Variants in SLC13A5 observed in about 807,000 individuals in gnomAD.
SLC13A5 encodes Na(+)/citrate cotransporter.
A neutral mutation model predicts 56.5 loss-of-function variants in SLC13A5; 25 were observed. The observed-to-expected ratio is 0.44, with a 90% CI of 0.32 to 0.62. The LOEUF is 0.62. Among genes scored for constraint, SLC13A5 ranks in the 20% least tolerant of loss-of-function variants. The pLI, the probability that SLC13A5 is intolerant of heterozygous loss-of-function variation, is 0.04. For missense variants in SLC13A5, 649 were observed against 737.8 expected (o/e 0.88, Z 1.39); for synonymous variants, 307 against 301.5 (o/e 1.02, Z -0.19).
chr17:6,702,181 T>C (rs1973732602), intron 5 of SLC13A5, among the ~76,000 whole-genome samples: 1 of 152,146 alleles, frequency 6.6e-6, no homozygotes, highest in Non-Finnish European at 1.5e-5. Flanking sequence ...CAGGCTCCTG[T>C]CTGCAAAGGA....
In SLC13A5 at chr17:6,694,107, C is replaced by G. The variant is rs577535726; in HGVS notation, c.1146G>C (p.Gln382His). Residue 382 changes from glutamine (Q) to histidine (H), a missense_variant, in exon 8 of 12, where the codon CAG (glutamine) becomes CAC (histidine). By Grantham distance (24) the Gln-to-His change is conservative. Transcript: ENST00000433363. ...GAACAGGAGACTTACCTTCCTCAGT[C>G]TGGCTGCGGAAGTTAAACTTGGGCT... The part of the protein sequence containing the change: ...SQKPKFNFRS[Q>H]TEEERKTPFY... 7 of 1,612,454 alleles carry G rather than the reference C, an allele frequency of 4.3e-6. No individual in the cohort carries two copies. In the South Asian group the frequency reaches 6.6e-5, roughly 15 times the overall value.
At chr17:6,699,088 T>TAAATAAATAAAA (rs1486449355) in intron 6 of SLC13A5, among the ~76,000 whole-genome samples, 1 of 87,074 alleles carries the variant, frequency 1.1e-5, no homozygotes, top group Non-Finnish European at 2.6e-5. Flanking sequence ...AATAAATAAA[T>TAAATAAATAAAA]AAAATAAAAT....
At position 6,711,452 on chromosome 17, in the gene SLC13A5, TAC is replaced by T. The variant is rs998112989; in HGVS notation, c.102+1778_102+1779del. Among the ~76,000 whole-genome samples, 12 of 132,590 alleles carry T rather than the reference TAC, an allele frequency of 9.1e-5. No homozygotes were observed. Among genetic ancestry groups the T allele is most frequent in the Admixed American group, 1.5e-4 (2 of 12,964 alleles). 87.0% of individuals were successfully genotyped at this position (132,590 alleles called of 152,430 possible). On this transcript the variant is annotated intron_variant, in intron 1 of 11. Transcript: ENST00000433363. The surrounding 1 kb of genome is among the most constrained non-coding windows in gnomAD (Gnocchi z 4.0). Reference sequence around the variant, plus strand: ...TTACACACACACACATACACACACATACACACACACTGAGTTAGGGTTTCCAG... The same window carrying T: ...TTACACACACACACATACACACACATACACACACTGAGTTAGGGTTTCCAG...
rs370342342 is a variant in SLC13A5, at chr17:6,700,959, GAGGCATAATT to G, written c.839+35_839+44del. 38 of 1,610,978 alleles carry G rather than the reference GAGGCATAATT, an allele frequency of 2.4e-5. No individual in the cohort carries two copies. The African/African-American group carries it at 3.7e-4, about 16-fold the overall frequency. ...AGTCTGAGGGCTCTTCTGCAGCTTT[GAGGCATAATT>G]AGGCATAATTAGGCTGTGAGCAGCT... is the stretch of plus-strand genomic sequence containing the variant. On this transcript the variant is annotated intron_variant, in intron 6 of 11. Coordinates refer to ENST00000433363, the MANE Select transcript of SLC13A5 (RefSeq NM_177550.5).
At chr17:6,696,770 G>A (rs956162856) in intron 6 of SLC13A5, among the ~76,000 whole-genome samples, 2 of 152,182 alleles carry the variant, frequency 1.3e-5, no homozygotes, top group Non-Finnish European at 2.9e-5. Flanking sequence ...TGAAGGGGTG[G>A]GCAAGGCCAA....
chr17:6,704,272 C>T (rs985264548), intron 3 of SLC13A5: 1 of 685,426 alleles, frequency 1.5e-6, no homozygotes, highest in East Asian at 2.8e-5. Context: ...CCTCCTGCCT[C>T]TCCCACACCC....
Position 6,704,001 on chromosome 17 carries a change from TG to T in SLC13A5, c.423del (p.Asn141LysfsTer7). ...VTALLSMWIS[N>X]TATTAMMVPI... ...GGCACCATCATGGCCGTGGTTGCCG[TG>T]TTACTGATCCACATGGACAGGAGGG... On this transcript the variant is annotated frameshift_variant, in exon 4 of 12. Coordinates refer to ENST00000433363, the MANE Select transcript of SLC13A5 (RefSeq NM_177550.5). LOFTEE classifies it high-confidence loss of function. 6.2e-7 allele frequency: 1 copy of T among 1,613,064 alleles called. No homozygotes were observed. The highest frequency in any genetic ancestry group is 8.5e-7 in the Non-Finnish European group (1 of 1,179,584).
rs1199600481 is a variant in SLC13A5 at position 6,700,923 on chromosome 17, C to T, written c.839+81G>A. The stretch of plus-strand genomic sequence containing the variant: ...GGCCAGACACGAAGGACTTTGTAAA[C>T]CTGCCTATTGAGTCTGAGGGCTCTT... On this transcript the variant is annotated intron_variant, in intron 6 of 11. Transcript: ENST00000433363. 1.9e-6 allele frequency: 3 copies of T among 1,587,798 alleles called. No individual in the cohort carries two copies. In the African/African-American group the frequency reaches 4.0e-5, roughly 21 times the overall value.
At chr17:6,690,727 C>A in intron 10 of SLC13A5, 52 bp downstream of exon 10, 1 of 1,611,772 alleles carries the variant, frequency 6.2e-7, no homozygotes, top group Non-Finnish European at 8.5e-7. Context: ...CACAATATGG[C>A]CATGTGTTCC....
rs865862829 is a variant in SLC13A5 at position 6,692,300 on chromosome 17, G to A, written c.1275+744C>T. Among the ~76,000 whole-genome samples, 49 of 152,212 alleles carry A rather than the reference G, an allele frequency of 3.2e-4. No homozygotes were observed. The highest frequency in any genetic ancestry group is 3.4e-3 in the Middle Eastern group (1 of 294). On this transcript the variant is annotated intron_variant, in intron 9 of 11. Transcript: ENST00000433363. The surrounding 1 kb of genome is among the most constrained non-coding windows in gnomAD (Gnocchi z 5.5). ...GGACGGATGGACGGACGGATGGATG[G>A]ATGAAGACATGAATAGATGCATGGA...
chr17:6,687,076 C>A lies in SLC13A5; in HGVS notation c.1575+453G>T. ...TTGTTTCCAAGGCATCATCTACTCC[C>A]AGGCAGTGCTCTCTCTCTCCCTCTC... On this transcript the variant is annotated intron_variant, in intron 11 of 11. Coordinates refer to ENST00000433363, the MANE Select transcript of SLC13A5 (RefSeq NM_177550.5). The surrounding 1 kb of genome is among the most constrained non-coding windows in gnomAD (Gnocchi z 5.0). The A allele has an allele frequency of 5.6e-6, 1 of 180,028 alleles. No individual in the cohort carries two copies. Among genetic ancestry groups the A allele is most frequent in the Non-Finnish European group, 1.1e-5 (1 of 87,136 alleles). The allele number at this position is 180,028 out of a possible 1,614,324, so 11.2% of individuals were successfully genotyped here. A position where few individuals can be genotyped will look rare whatever the true frequency, so the allele number is the denominator to read the frequency against.
chr17:6,693,019 G>C (rs1448293400), intron 9 of SLC13A5, 25 bp downstream of exon 9: 1 of 1,578,108 alleles, frequency 6.3e-7, no homozygotes, highest in Non-Finnish European at 8.7e-7. Context: ...GAGGGCTCTG[G>C]GCAGCCTGTG....
intron 3 of SLC13A5, chr17:6,704,457 A>G (rs1973811371): frequency 2.9e-6 from 1 of 347,698 alleles, no homozygotes; most frequent in Non-Finnish European, 5.7e-6. Context: ...ATGTGCAGGC[A>G]GCCCCAGCTT....
chr17:6,710,033 T>C (rs775173402), intron 1 of SLC13A5, among the ~76,000 whole-genome samples: 29 of 152,166 alleles, frequency 1.9e-4, no homozygotes, highest in Admixed American at 6.5e-5. Flanking sequence ...TCAATGCTGG[T>C]TGACAGCCGC....
intron 8 of SLC13A5, chr17:6,693,710 A>G (rs577573816): frequency 6.1e-6 from 1 of 162,602 alleles, no homozygotes; most frequent in Non-Finnish European, 1.3e-5. Context: ...AAGTGGTAGA[A>G]GAAACAACAA....
Position 6,711,440 on chromosome 17 carries a change from CAT to C in SLC13A5, c.102+1790_102+1791del, listed in dbSNP as rs1166813957. Among the ~76,000 whole-genome samples the C allele has an allele frequency of 2.1e-5, 2 of 95,026 alleles. No individual in the cohort carries two copies. The highest frequency in any genetic ancestry group is 9.3e-5 in the African/African-American group (2 of 21,460). The allele number at this position is 95,026 out of a possible 152,430, so 62.3% of individuals were successfully genotyped here. On this transcript the variant is annotated intron_variant, in intron 1 of 11. Coordinates refer to ENST00000433363, the MANE Select transcript of SLC13A5 (RefSeq NM_177550.5). The surrounding 1 kb of genome is among the most constrained non-coding windows in gnomAD (Gnocchi z 4.0). The stretch of plus-strand genomic sequence containing the variant: ...TCTCTCTCTCTCTTACACACACACA[CAT>C]ACACACACATACACACACACTGAGT...
In SLC13A5 at chr17:6,685,766, G is replaced by A. The variant is rs1191348650; in HGVS notation, c.*441C>T. 6.2e-6 allele frequency: 1 copy of A among 160,254 alleles called. No individual in the cohort carries two copies. The highest frequency in any genetic ancestry group is 1.4e-5 in the Non-Finnish European group (1 of 72,718). The allele number at this position is 160,254 out of a possible 1,614,324, so 9.9% of individuals were successfully genotyped here. ...ATCTGAGGCTGCTCAAGGTGAGCTGGAAGGGACATGGGCACTGGTAGGTGG... is the reference window on the plus strand; with the variant it reads ...ATCTGAGGCTGCTCAAGGTGAGCTGAAAGGGACATGGGCACTGGTAGGTGG... On this transcript the variant is annotated 3_prime_UTR_variant, in exon 12 of 12. Transcript: ENST00000433363. This position sits in a 1 kb window ranked among gnomAD's most constrained non-coding sequence, Gnocchi z 4.2.
rs568952138 is a variant in SLC13A5 at position 6,685,608 on chromosome 17, G to A, written c.*599C>T. ...GGCAACTCAGATTCCTCATCCTTTG[G>A]TGGTGGCCACAGGAGGAGTTCCCAG... On this transcript the variant is annotated 3_prime_UTR_variant, in exon 12 of 12. Coordinates refer to ENST00000433363, the MANE Select transcript of SLC13A5 (RefSeq NM_177550.5). The surrounding 1 kb of genome is among the most constrained non-coding windows in gnomAD (Gnocchi z 4.2). 9 of 154,294 alleles carry A rather than the reference G, an allele frequency of 5.8e-5. No individual in the cohort carries two copies. The highest frequency in any genetic ancestry group is 2.2e-4 in the African/African-American group (9 of 41,586). The allele number at this position is 154,294 out of a possible 1,614,324, so 9.6% of individuals were successfully genotyped here. A position where few individuals can be genotyped will look rare whatever the true frequency, so the allele number is the denominator to read the frequency against.
At position 6,686,093 on chromosome 17, in the gene SLC13A5, G is replaced by T; in HGVS notation, c.*114C>A. 6.8e-7 allele frequency: 1 copy of T among 1,473,452 alleles called. No individual in the cohort carries two copies. Among genetic ancestry groups the T allele is most frequent in the Non-Finnish European group, 9.2e-7 (1 of 1,082,072 alleles). The allele number at this position is 1,473,452 out of a possible 1,614,324, so 91.3% of individuals were successfully genotyped here. ...CATTGGCTGGGTTTTGGTGGTGTGT[G>T]GACATCGTTGGGTCATTTTGGGGTG... On this transcript the variant is annotated 3_prime_UTR_variant, in exon 12 of 12. Coordinates refer to ENST00000433363, the MANE Select transcript of SLC13A5 (RefSeq NM_177550.5).
Sources: allele counts gnomAD v4.1 joint callset (sites outside exome capture counted in the v4.1 genomes callset), GRCh38; gene constraint gnomAD v4.1.1; non-coding constraint Gnocchi (gnomAD v3.1); transcripts MANE v1.5; gene names NCBI Gene and HGNC (gene_info 2026-07-23, HGNC 2026-07-21).